The following ARHGEF1 variants were observed in gnomAD, a reference collection of about 807,000 sequenced individuals.
ARHGEF1 encodes 115 kDa guanine nucleotide exchange factor.
A neutral mutation model predicts 119.7 loss-of-function variants in ARHGEF1; 40 were observed. The observed-to-expected ratio is 0.33, with a 90% CI of 0.26 to 0.44. The LOEUF (loss-of-function observed/expected upper bound fraction) is 0.44, where lower values mean the gene tolerates loss of function less well. Among genes scored for constraint, ARHGEF1 ranks in the 20% least tolerant of loss-of-function variants. The pLI, the probability that ARHGEF1 is intolerant of heterozygous loss-of-function variation, is 1.00. For synonymous variants in ARHGEF1, 494 were observed against 521.0 expected (o/e 0.95, Z 0.71); for missense variants, 976 against 1,268.3 (o/e 0.77, Z 3.50).
At chr19:41,928,698 A>T in intron 1 of ARHGEF1, 1 of 316,664 alleles carries the variant, frequency 3.2e-6, no homozygotes, top group South Asian at 2.2e-5. Context: ...TTGAAAACAG[A>T]TGTCGAATCG....
Position 41,894,457 on chromosome 19 carries a change from G to A in ARHGEF1, c.751G>A (p.Gly251Arg). 1 of 1,560,104 alleles carries A rather than the reference G, an allele frequency of 6.4e-7. No individual in the cohort carries two copies. The highest frequency in any genetic ancestry group is 8.7e-7 in the Non-Finnish European group (1 of 1,151,042). Reference sequence around the variant, plus strand: ...CCTCCCCGCCCTCTCACAGGTGATGGGGAACCGGCGGTCGGACGAGCCTGC... The same window carrying A: ...CCTCCCCGCCCTCTCACAGGTGATGAGGAACCGGCGGTCGGACGAGCCTGC... ...GRNFFRKKVMGNRRSDEPAKT... is the reference protein window; with the variant it reads ...GRNFFRKKVMRNRRSDEPAKT... The change falls in exon 10 of 29, where the codon GGG becomes AGG. Residue 251 changes from glycine to arginine, a missense_variant. By Grantham distance (125) the Gly-to-Arg change is moderately radical. Transcript: ENST00000354532.
intron 7 of ARHGEF1, 52 bp from the exon 8 acceptor site, chr19:41,893,222 G>A (rs1555846678): frequency 6.2e-7 from 1 of 1,609,856 alleles, no homozygotes; most frequent in Non-Finnish European, 8.5e-7. Flanking sequence ...CTGGGTGGAT[G>A]GGGACCCCAG....
Position 41,906,544 on chromosome 19 carries a change from G to A in ARHGEF1, c.2579G>A (p.Gly860Asp). 1 of 1,583,494 alleles carries A rather than the reference G, an allele frequency of 6.3e-7. No individual in the cohort carries two copies. Among genetic ancestry groups the A allele is most frequent in the Non-Finnish European group, 8.5e-7 (1 of 1,172,284 alleles). Residue 860 changes from glycine (G) to aspartate (D), a missense_variant, in exon 27 of 29, where the codon GGC (glycine) becomes GAC (aspartate). This residue lies in a region of ARHGEF1 where 171 missense variants were observed against 180.6 expected (regional missense o/e 0.95). Transcript: ENST00000354532. This position sits in a 1 kb window ranked among gnomAD's most constrained non-coding sequence, Gnocchi z 4.5. The part of the protein sequence containing the change: ...PRDGDGVPGG[G>D]PLSPARTQEI... ...GATGGGGATGGGGTCCCAGGGGGCGGCCCCCTGAGCCCAGCACGGACCCAG... is the reference window on the plus strand; with the variant it reads ...GATGGGGATGGGGTCCCAGGGGGCGACCCCCTGAGCCCAGCACGGACCCAG...
Position 41,896,465 on chromosome 19 carries a change from G to C in ARHGEF1, c.1104G>C (p.Glu368Asp). The change falls in exon 13 of 29, where the codon GAG (glutamate) becomes GAC (aspartate). Residue 368 changes from glutamate (E) to aspartate (D), a missense_variant. Physicochemically the swap from Glu to Asp is conservative, Grantham distance 45 (BLOSUM62 2). Transcript: ENST00000354532. ...TGGCGCCCCCAGAGAGTACCGACGA[G>C]GGGGCCGAAACCGAGAGGTGCCCAG... ...ESLAPPESTDEGAETESPEPG... is the reference protein window; with the variant it reads ...ESLAPPESTDDGAETESPEPG... The C allele has an allele frequency of 6.7e-7, 1 of 1,486,756 alleles. No individual in the cohort carries two copies. The highest frequency in any genetic ancestry group is 1.4e-5 in the African/African-American group (1 of 70,730). 92.1% of individuals were successfully genotyped at this position (1,486,756 alleles called of 1,614,324 possible). A position where few individuals can be genotyped will look rare whatever the true frequency, so the allele number is the denominator to read the frequency against.
chr19:41,896,841 C>T, intron 13 of ARHGEF1: 1 of 342,024 alleles, frequency 2.9e-6, no homozygotes, highest in Non-Finnish European at 5.7e-6. Context: ...TCCTCTCTCA[C>T]CTCCCCCCTC....
Position 41,894,545 on chromosome 19 carries a change from AGGG to A in ARHGEF1, c.840_841+1del. On this transcript the variant is annotated splice_donor_variant and coding_sequence_variant, in exon 10 of 29. Coordinates refer to ENST00000354532, the MANE Select transcript of ARHGEF1 (RefSeq NM_004706.4). LOFTEE classifies it high-confidence loss of function. ...GCCCGCTGGAACCGGGGAGAGCCCCAGGGTAAGGCGGCTCTGGCCTCTGCCCTC... is the reference window on the plus strand; with the variant it reads ...GCCCGCTGGAACCGGGGAGAGCCCCATAAGGCGGCTCTGGCCTCTGCCCTC... 1 of 1,613,378 alleles carries A rather than the reference AGGG, an allele frequency of 6.2e-7. No individual in the cohort carries two copies. The highest frequency in any genetic ancestry group is 8.5e-7 in the Non-Finnish European group (1 of 1,179,506).
At chr19:41,928,998 C>T in intron 2 of ARHGEF1, 1 of 433,810 alleles carries the variant, frequency 2.3e-6, no homozygotes, top group Non-Finnish European at 4.7e-6. Context: ...TAAGACAGTG[C>T]AAACACACAC....
chr19:41,912,662 G>A (rs2074760203), intron 18 of ARHGEF1, among the ~76,000 whole-genome samples: 2 of 152,212 alleles, frequency 1.3e-5, no homozygotes, highest in African/African-American at 4.8e-5. Flanking sequence ...GCAGGGGGCA[G>A]GGGAATCTGG....
Position 41,894,125 on chromosome 19 carries a change from T to A in ARHGEF1, c.645-82T>A, listed in dbSNP as rs1409870562. On this transcript the variant is annotated intron_variant, in intron 8 of 28. Transcript: ENST00000354532. ...TGCCTCTAGGGGGAGAGAGAGAGAG[T>A]GTGTGTGTGAGTGTGTGTGTGTGTG... 420 of 840,876 alleles carry A rather than the reference T, an allele frequency of 5.0e-4. No homozygotes were observed. In the African/African-American group the frequency reaches 6.5e-3, roughly 13 times the overall value. 52.1% of individuals were successfully genotyped at this position (840,876 alleles called of 1,614,324 possible). A position where few individuals can be genotyped will look rare whatever the true frequency, so the allele number is the denominator to read the frequency against.
At position 41,888,978 on chromosome 19, in the gene ARHGEF1, A is replaced by G. The variant is rs545972433; in HGVS notation, c.225+113A>G. ...GAGGGTCTGGAAAAGCAGATCTAGAACACAGAGAGCCAGATCTAGAAAGAG... is the reference window on the plus strand; with the variant it reads ...GAGGGTCTGGAAAAGCAGATCTAGAGCACAGAGAGCCAGATCTAGAAAGAG... On this transcript the variant is annotated intron_variant, in intron 4 of 28. Transcript: ENST00000354532. The surrounding 1 kb of genome is among the most constrained non-coding windows in gnomAD (Gnocchi z 5.1). 7 of 843,420 alleles carry G rather than the reference A, an allele frequency of 8.3e-6. No homozygotes were observed. Among genetic ancestry groups the G allele is most frequent in the Non-Finnish European group, 1.3e-5 (7 of 545,696 alleles). 52.2% of individuals were successfully genotyped at this position (843,420 alleles called of 1,614,324 possible). A position where few individuals can be genotyped will look rare whatever the true frequency, so the allele number is the denominator to read the frequency against.
chr19:41,920,681 G>C (rs2074836927), upstream of ARHGEF1, among the ~76,000 whole-genome samples: 1 of 152,230 alleles, frequency 6.6e-6, no homozygotes, highest in Non-Finnish European at 1.5e-5. Flanking sequence ...CACAGACACT[G>C]TGACACAAGT....
Position 41,902,525 on chromosome 19 carries a change from C to G in ARHGEF1, c.1498-8C>G. ...TGAGACACCTGCCTGGCCTGAATCT[C>G]GCTGTAGTTTGATGGTGCTGAGGGC... On this transcript the variant is annotated splice_polypyrimidine_tract_variant and splice_region_variant and intron_variant, in intron 16 of 28. Coordinates refer to ENST00000354532, the MANE Select transcript of ARHGEF1 (RefSeq NM_004706.4). The surrounding 1 kb of genome is among the most constrained non-coding windows in gnomAD (Gnocchi z 6.5). 1 of 1,614,034 alleles carries G rather than the reference C, an allele frequency of 6.2e-7. No homozygotes were observed.
At chr19:41,929,344 C>A (rs932312279) in intron 2 of ARHGEF1, among the ~76,000 whole-genome samples, 6 of 152,114 alleles carry the variant, frequency 3.9e-5, no homozygotes, top group Non-Finnish European at 4.4e-5. Flanking sequence ...CACACTGACA[C>A]TCCCCTTCAC....
At chr19:41,898,201 G>T in intron 13 of ARHGEF1, 1 of 1,403,848 alleles carries the variant, frequency 7.1e-7, no homozygotes. Context: ...AGGAATGGGC[G>T]TTGGAGACCG....
Position 41,905,675 on chromosome 19 carries a change from T to A in ARHGEF1, c.2337-85T>A. The A allele has an allele frequency of 6.9e-7, 1 of 1,440,118 alleles. No homozygotes were observed. Among genetic ancestry groups the A allele is most frequent in the East Asian group, 2.3e-5 (1 of 43,776 alleles). The allele number at this position is 1,440,118 out of a possible 1,614,324, so 89.2% of individuals were successfully genotyped here. On this transcript the variant is annotated intron_variant, in intron 24 of 28. Transcript: ENST00000354532. The surrounding 1 kb of genome is among the most constrained non-coding windows in gnomAD (Gnocchi z 6.4). ...GTCTCTGTCTCCGGACCTCCCTGCCTCCCCACCTCCAGCTCTCTGTCTCCC... is the reference window on the plus strand; with the variant it reads ...GTCTCTGTCTCCGGACCTCCCTGCCACCCCACCTCCAGCTCTCTGTCTCCC...
At chr19:41,890,368 CG>C (rs1555845998) in intron 4 of ARHGEF1, 1 of 150,584 alleles carries the variant, frequency 6.6e-6, no homozygotes, top group Non-Finnish European at 1.5e-5. Context: ...AAAGTGGGGC[CG>C]GGCATGGTGG....
chr19:41,914,582 C>G (rs1268144556), intron 18 of ARHGEF1, among the ~76,000 whole-genome samples: 1 of 95,194 alleles, frequency 1.1e-5, no homozygotes, highest in African/African-American at 5.0e-5. Flanking sequence ...TCCGTCTCTC[C>G]CTCCCTTTCC....
chr19:41,896,080 G>A (rs1555847480), intron 12 of ARHGEF1, among the ~76,000 whole-genome samples: 2 of 152,176 alleles, frequency 1.3e-5, no homozygotes, highest in African/African-American at 4.8e-5. Context: ...CCGACCTCAG[G>A]GGGCTGCAGT....
chr19:41,898,537 C>T lies in ARHGEF1; in HGVS notation c.1217C>T (p.Thr406Ile), dbSNP rs1202934501. ...PGWRELVPPD[T>I]LHSLPKSQVK... ...TGGCGGGAACTCGTCCCCCCAGACA[C>T]CCTGCACAGCCTGCCCAAGAGCCAG... Residue 406 changes from threonine to isoleucine, a missense_variant, in exon 14 of 29, where the codon ACC becomes ATC. Physicochemically the swap from Thr to Ile is moderately conservative, Grantham distance 89. This residue lies in a region of ARHGEF1 where 519 missense variants were observed against 580.9 expected (regional missense o/e 0.89). Transcript: ENST00000354532. The T allele has an allele frequency of 3.8e-6, 6 of 1,570,838 alleles. No homozygotes were observed. The highest frequency in any genetic ancestry group is 5.2e-6 in the Non-Finnish European group (6 of 1,158,500).
Sources: allele counts gnomAD v4.1 joint callset (sites outside exome capture counted in the v4.1 genomes callset), GRCh38; gene constraint gnomAD v4.1.1; regional missense constraint gnomAD v4.1.1; non-coding constraint Gnocchi (gnomAD v3.1); transcripts MANE v1.5; gene names NCBI Gene and HGNC (gene_info 2026-07-23, HGNC 2026-07-21).